Variants in CCDC7 observed in about 807,000 individuals in gnomAD.
CCDC7 encodes the protein coiled-coil domain-containing protein 7.
A neutral mutation model predicts 196.9 loss-of-function variants in CCDC7; 183 were observed. The ratio of observed to expected loss-of-function variants is 0.93; its 90% CI spans 0.82 to 1.05. The LOEUF (loss-of-function observed/expected upper bound fraction) is 1.05, where lower values mean the gene tolerates loss of function less well. Among genes scored for constraint, CCDC7 ranks in the 50% least tolerant of loss-of-function variants. CCDC7 has a pLI of 0.00. For synonymous variants in CCDC7, 525 were observed against 484.6 expected (o/e 1.08, Z -1.10); for missense variants, 1,540 against 1,482.2 (o/e 1.04, Z -0.64).
At chr10:32,583,934 C>A (rs983936817) in intron 17 of CCDC7, among the ~76,000 whole-genome samples, 2 of 151,966 alleles carry the variant, frequency 1.3e-5, no homozygotes, top group East Asian at 3.8e-4. Context: ...AAACAAGAAT[C>A]TTAATAATTA....
intron 11 of CCDC7, among the ~76,000 whole-genome samples, chr10:32,532,311 G>A (rs1333076165): frequency 1.3e-5 from 2 of 152,070 alleles, no homozygotes; most frequent in Admixed American, 6.6e-5. Context: ...GTTTAGGAAC[G>A]TGGTAACATC....
intron 8 of CCDC7, among the ~76,000 whole-genome samples, chr10:32,476,422 A>G (rs2038991978): frequency 6.7e-6 from 1 of 149,620 alleles, no homozygotes; most frequent in South Asian, 2.1e-4. Flanking sequence ...CTGATAAATA[A>G]TCAATTTATG....
chr10:32,794,674 A>G (rs557849558), intron 29 of CCDC7, among the ~76,000 whole-genome samples: 1 of 152,192 alleles, frequency 6.6e-6, no homozygotes, highest in African/African-American at 2.4e-5. Flanking sequence ...CTCTAATATT[A>G]GTGATAATGA....
At chr10:32,739,077 A>AT (rs1329187432) in intron 28 of CCDC7, among the ~76,000 whole-genome samples, 4 of 150,928 alleles carry the variant, frequency 2.7e-5, no homozygotes, top group Admixed American at 2.6e-4. Flanking sequence ...TTTGTCTTTG[A>AT]TTTTCTGTAG....
intron 25 of CCDC7, among the ~76,000 whole-genome samples, chr10:32,726,179 G>A (rs563966725): frequency 6.6e-6 from 1 of 151,764 alleles, no homozygotes; most frequent in East Asian, 1.9e-4. Flanking sequence ...CTGTTTTTAA[G>A]ATTATTTTTC....
intron 18 of CCDC7, among the ~76,000 whole-genome samples, chr10:32,616,040 C>G (rs1433515761): frequency 6.6e-6 from 1 of 151,958 alleles, no homozygotes; most frequent in Non-Finnish European, 1.5e-5. Flanking sequence ...ATACCAGCAC[C>G]ATGTTGTTTT....
Position 32,739,134 on chromosome 10 carries a change from A to AT in CCDC7, c.2905+9683dup, listed in dbSNP as rs1414461685. Among the ~76,000 whole-genome samples, 3 of 152,046 alleles carry AT rather than the reference A, an allele frequency of 2.0e-5. No individual in the cohort carries two copies. In the East Asian group the frequency reaches 5.8e-4, roughly 29 times the overall value. On this transcript the variant is annotated intron_variant, in intron 28 of 41. Transcript: ENST00000639629. ...GGTCTAGACATTTTTGCTATTGACCATTTTTTATGTTCTCTGAGCATCTAG... is the reference window on the plus strand; with the variant it reads ...GGTCTAGACATTTTTGCTATTGACCATTTTTTTATGTTCTCTGAGCATCTAG...
intron 7 of CCDC7, 45 bp from the exon 9 acceptor site, chr10:32,473,922 A>G (rs2038455189): frequency 6.5e-7 from 1 of 1,549,242 alleles, no homozygotes; most frequent in Non-Finnish European, 8.7e-7. Context: ...TAGTATATAT[A>G]ATTGCCGTTT....
At chr10:32,645,057 C>G (rs1303190027) in intron 20 of CCDC7, among the ~76,000 whole-genome samples, 3 of 152,066 alleles carry the variant, frequency 2.0e-5, no homozygotes, top group Non-Finnish European at 4.4e-5. Flanking sequence ...AGATATTTCT[C>G]AAAAGAAGAC....
chr10:32,781,097 C>T (rs1158455109), intron 29 of CCDC7, among the ~76,000 whole-genome samples: 1 of 152,100 alleles, frequency 6.6e-6, no homozygotes, highest in East Asian at 1.9e-4. Context: ...AATATACAAT[C>T]TACCAGAACT....
Position 32,641,146 on chromosome 10 carries a change from C to G in CCDC7, c.2014+5988C>G, listed in dbSNP as rs189024578. ...TTATGTGTCTTGGAGTTGCTGTTCT[C>G]AAAGCACATCTTTGTGGCGTTCTCT... On this transcript the variant is annotated intron_variant, in intron 20 of 41. Coordinates refer to ENST00000639629, the Ensembl canonical transcript of CCDC7. 5.0e-3 allele frequency among the ~76,000 whole-genome samples: 756 copies of G among 152,190 alleles called. 4 individuals carry two copies. Among genetic ancestry groups the G allele is most frequent in the Non-Finnish European group, 8.3e-3 (564 of 68,016 alleles).
At chr10:32,471,064 A>G in exon 6 of CCDC7, 4 of 1,581,992 alleles carry the variant, frequency 2.5e-6, no homozygotes, top group Non-Finnish European at 3.4e-6. Flanking sequence ...ATTATTTTAG[A>G]TAAGTAAAGA....
At chr10:32,739,825 G>T (rs1206870144) in intron 28 of CCDC7, among the ~76,000 whole-genome samples, 2 of 151,198 alleles carry the variant, frequency 1.3e-5, no homozygotes, top group African/African-American at 4.9e-5. Context: ...GGTATCAAAT[G>T]ATAAAATTTT....
chr10:32,804,999 C>T lies in CCDC7; in HGVS notation c.3014-16C>T. On this transcript the variant is annotated splice_polypyrimidine_tract_variant and intron_variant, in intron 29 of 41. Transcript: ENST00000639629. ...ATTACCTCGCAAAGTATTTTTAAAT[C>T]CATCTATTTCTATAGAGACTGATAT... 1 of 1,528,916 alleles carries T rather than the reference C, an allele frequency of 6.5e-7. No homozygotes were observed. The highest frequency in any genetic ancestry group is 9.0e-7 in the Non-Finnish European group (1 of 1,105,124). 94.7% of individuals were successfully genotyped at this position (1,528,916 alleles called of 1,614,324 possible).
In CCDC7 at chr10:32,455,346, G is replaced by A. The variant is rs140290939; in HGVS notation, c.373-905G>A. Among the ~76,000 whole-genome samples, 1,100 of 151,096 alleles carry A rather than the reference G, an allele frequency of 7.3e-3. 14 individuals are homozygous for A. Among genetic ancestry groups the A allele is most frequent in the African/African-American group, 0.025 (1,042 of 41,140 alleles). On this transcript the variant is annotated intron_variant, in intron 2 of 41. Transcript: ENST00000639629. ...TTTTATTTTTTTGAGACAGAGTCTC[G>A]CTGTGTCACCTAGGCTGGAGTGCAG...
intron 13 of CCDC7, among the ~76,000 whole-genome samples, chr10:32,561,772 C>G (rs926111871): frequency 2.0e-5 from 3 of 152,088 alleles, no homozygotes; most frequent in East Asian, 1.9e-4. Flanking sequence ...CATTCAAAAG[C>G]TAGCAGAAGG....
intron 31 of CCDC7, among the ~76,000 whole-genome samples, chr10:32,823,756 C>A (rs1283218038): frequency 2.0e-5 from 3 of 152,002 alleles, no homozygotes; most frequent in Non-Finnish European, 1.5e-5. Context: ...ATCATTATAC[C>A]TAGATACTAG....
chr10:32,714,705 G>A (rs2081323162), intron 25 of CCDC7, among the ~76,000 whole-genome samples: 2 of 152,172 alleles, frequency 1.3e-5, no homozygotes, highest in African/African-American at 4.8e-5. Context: ...CTCAAGCTTG[G>A]TGGGGGGAGG....
At chr10:32,669,824 A>G (rs1402530011) in intron 21 of CCDC7, among the ~76,000 whole-genome samples, 1 of 152,106 alleles carries the variant, frequency 6.6e-6, no homozygotes, top group Non-Finnish European at 1.5e-5. Flanking sequence ...GTTGTTGTCC[A>G]TAATTCTAAT....
Sources: gnomAD v4.1 joint callset for allele counts (sites outside exome capture counted in the v4.1 genomes callset) on GRCh38, gnomAD v4.1.1 for gene constraint, MANE v1.5 for transcripts, NCBI Gene and HGNC (gene_info 2026-07-23, HGNC 2026-07-21) for gene names.